Variants in KCNQ1 observed in about 807,000 individuals in gnomAD.
KCNQ1 encodes potassium voltage-gated channel subfamily KQT member 1.
In KCNQ1, 49 loss-of-function variants were observed where a neutral mutation model predicts 72.4. The observed-to-expected ratio is 0.68, with a 90% CI of 0.54 to 0.86. The LOEUF is 0.86. KCNQ1 is among the 40% of genes least tolerant of loss of function. The pLI is 0.00. For missense variants in KCNQ1, 790 were observed against 945.1 expected (o/e 0.84, Z 2.15); for synonymous variants, 450 against 412.6 (o/e 1.09, Z -1.10).
chr11:2,555,566 G>A (rs761145654), intron 2 of KCNQ1, among the ~76,000 whole-genome samples: 40 of 152,252 alleles, frequency 2.6e-4, no homozygotes, highest in Admixed American at 2.0e-4. Context: ...CAGGGCAGCC[G>A]GCTTGGGCCA....
chr11:2,532,565 A>G (rs117319280), intron 2 of KCNQ1, among the ~76,000 whole-genome samples: 100 of 152,316 alleles, frequency 6.6e-4, no homozygotes, highest in Non-Finnish European at 1.3e-3. Flanking sequence ...GCGGATGTAC[A>G]GACACATCAG....
At position 2,458,193 on chromosome 11, in the gene KCNQ1, A is replaced by G. The variant is rs1384162134; in HGVS notation, c.386+12709A>G. ...CCCCTTCTCCCCAAGCTGAAGATGCAGTGGGTAAGCCTCACTGAAAATAAC... is the reference window on the plus strand; with the variant it reads ...CCCCTTCTCCCCAAGCTGAAGATGCGGTGGGTAAGCCTCACTGAAAATAAC... On this transcript the variant is annotated intron_variant, in intron 1 of 15. Coordinates refer to ENST00000155840, the MANE Select transcript of KCNQ1 (RefSeq NM_000218.3). The surrounding 1 kb of genome is among the most constrained non-coding windows in gnomAD (Gnocchi z 4.6). Among the ~76,000 whole-genome samples, 1 of 152,108 alleles carries G rather than the reference A, an allele frequency of 6.6e-6. No individual in the cohort carries two copies. Among genetic ancestry groups the G allele is most frequent in the Non-Finnish European group, 1.5e-5 (1 of 68,036 alleles).
rs1435681898 is a variant in KCNQ1, at chr11:2,683,935, A to G, written c.1514+21854A>G. The G allele has an allele frequency of 1.3e-5, 5 of 396,456 alleles. No homozygotes were observed. The highest frequency in any genetic ancestry group is 2.2e-5 in the Non-Finnish European group (5 of 225,818). The allele number at this position is 396,456 out of a possible 1,614,324, so 24.6% of individuals were successfully genotyped here. On this transcript the variant is annotated intron_variant, in intron 11 of 15. Coordinates refer to ENST00000155840, the MANE Select transcript of KCNQ1 (RefSeq NM_000218.3). This position sits in a 1 kb window ranked among gnomAD's most constrained non-coding sequence, Gnocchi z 4.7. ...ATGCTCTGTGACACGTTTCATAGTC[A>G]GACAAAACCAGCTGACTGCTTTTAC...
In KCNQ1 at chr11:2,504,431, A is replaced by G. The variant is rs75877856; in HGVS notation, c.387-23497A>G. Among the ~76,000 whole-genome samples, 801 of 152,326 alleles carry G rather than the reference A, an allele frequency of 5.3e-3. 29 individuals are homozygous for G. The highest frequency in any genetic ancestry group is 0.043 in the Admixed American group (651 of 15,298). The stretch of plus-strand genomic sequence containing the variant: ...TATTTGATAGCACAACAGGGTGACT[A>G]TAGTCAATGATTTAATTATACATTT... On this transcript the variant is annotated intron_variant, in intron 1 of 15. Transcript: ENST00000155840.
rs1407602904 is a variant in KCNQ1 at position 2,828,874 on chromosome 11, A to G, written c.1795-18893A>G. 6.6e-6 allele frequency among the ~76,000 whole-genome samples: 1 copy of G among 152,236 alleles called. No individual in the cohort carries two copies. Among genetic ancestry groups the G allele is most frequent in the Non-Finnish European group, 1.5e-5 (1 of 68,042 alleles). ...TAAAGCAGACACTCCACATTTCCAG[A>G]GAGAAAAAGTAAGTCACACACAAGA... is the stretch of plus-strand genomic sequence containing the variant. On this transcript the variant is annotated intron_variant, in intron 15 of 15. Transcript: ENST00000155840. The surrounding 1 kb of genome is among the most constrained non-coding windows in gnomAD (Gnocchi z 5.3).
rs1383897646 is a variant in KCNQ1 at position 2,458,435 on chromosome 11, A to G, written c.386+12951A>G. On this transcript the variant is annotated intron_variant, in intron 1 of 15. Transcript: ENST00000155840. The surrounding 1 kb of genome is among the most constrained non-coding windows in gnomAD (Gnocchi z 4.6). ...TGTGAACTGTAACTCGGGGAAACCC[A>G]GTAGCTGATGGGGTTGCGTCCTTCT... Among the ~76,000 whole-genome samples the G allele has an allele frequency of 6.6e-6, 1 of 152,240 alleles. No individual in the cohort carries two copies. Among genetic ancestry groups the G allele is most frequent in the African/African-American group, 2.4e-5 (1 of 41,466 alleles).
In KCNQ1 at chr11:2,764,056, C is replaced by A. The variant is rs1234149784; in HGVS notation, c.1515-4788C>A. 6.6e-6 allele frequency among the ~76,000 whole-genome samples: 1 copy of A among 152,140 alleles called. No homozygotes were observed. Among genetic ancestry groups the A allele is most frequent in the Non-Finnish European group, 1.5e-5 (1 of 68,034 alleles). The stretch of plus-strand genomic sequence containing the variant: ...TCCCTTTTCCTACCTTTTTAACATA[C>A]CAGCTGGGACTTTCTGGACAATGTG... On this transcript the variant is annotated intron_variant, in intron 11 of 15. Transcript: ENST00000155840. The surrounding 1 kb of genome is among the most constrained non-coding windows in gnomAD (Gnocchi z 4.8).
In KCNQ1 at chr11:2,703,639, A is replaced by G. The variant is rs1410631384; in HGVS notation, c.1514+41558A>G. Among the ~76,000 whole-genome samples the G allele has an allele frequency of 1.3e-5, 2 of 151,944 alleles. No individual in the cohort carries two copies. Among genetic ancestry groups the G allele is most frequent in the African/African-American group, 4.8e-5 (2 of 41,352 alleles). ...ATTCTTTTGCATTTGCCAGCACAGA[A>G]GTGCAGATGGGGCCCAGAGCCCCGG... On this transcript the variant is annotated intron_variant, in intron 11 of 15. Transcript: ENST00000155840. This position sits in a 1 kb window ranked among gnomAD's most constrained non-coding sequence, Gnocchi z 6.4.
intron 1 of KCNQ1, among the ~76,000 whole-genome samples, chr11:2,510,788 G>A (rs1847187503): frequency 6.6e-6 from 1 of 152,204 alleles, no homozygotes; most frequent in Non-Finnish European, 1.5e-5. Context: ...TGGGAAGGCT[G>A]GCACGCTCAG....
chr11:2,624,128 T>C lies in KCNQ1; in HGVS notation c.1393+35274T>C, dbSNP rs1849223682. On this transcript the variant is annotated intron_variant, in intron 10 of 15. Transcript: ENST00000155840. This position sits in a 1 kb window ranked among gnomAD's most constrained non-coding sequence, Gnocchi z 4.9. The stretch of plus-strand genomic sequence containing the variant: ...GGCCATTCTAATAAGCGTGTAGATA[T>C]ATCACATTTCTTGTTTTAATTTCCA... The C allele has an allele frequency of 5.0e-6, 2 of 398,472 alleles. No homozygotes were observed. Among genetic ancestry groups the C allele is most frequent in the Admixed American group, 4.4e-5 (1 of 22,716 alleles). 24.7% of individuals were successfully genotyped at this position (398,472 alleles called of 1,614,324 possible).
chr11:2,837,733 G>A (rs1848104743), intron 15 of KCNQ1, among the ~76,000 whole-genome samples: 1 of 152,242 alleles, frequency 6.6e-6, no homozygotes. Flanking sequence ...TGGAGGCTAA[G>A]GAGAGGGGTG....
intron 11 of KCNQ1, chr11:2,699,698 G>C (rs1590040287): frequency 4.6e-6 from 1 of 217,392 alleles, no homozygotes; most frequent in South Asian, 3.3e-4. Flanking sequence ...CGGGTGCCCC[G>C]AGGAGAACGG....
chr11:2,584,525 G>C (rs1434864729), intron 7 of KCNQ1, among the ~76,000 whole-genome samples: 1 of 148,246 alleles, frequency 6.7e-6, no homozygotes, highest in Non-Finnish European at 1.5e-5. Context: ...TTGTGTGTTA[G>C]TGTGTGTGTT....
At chr11:2,780,128 C>T (rs74049757) in intron 15 of KCNQ1, among the ~76,000 whole-genome samples, 28,503 of 152,108 alleles carry the variant, frequency 0.19, 2,935 homozygotes, top group Admixed American at 0.29. Flanking sequence ...ATCTCAGCCC[C>T]GCTGAGGGGT....
At chr11:2,804,724 T>A (rs163165) in intron 15 of KCNQ1, among the ~76,000 whole-genome samples, 2 of 152,218 alleles carry the variant, frequency 1.3e-5, no homozygotes, top group African/African-American at 4.8e-5. Flanking sequence ...TGGCACAGGA[T>A]GAGCCTTGCA....
intron 6 of KCNQ1, among the ~76,000 whole-genome samples, chr11:2,577,712 G>A (rs564772355): frequency 1.9e-4 from 29 of 152,258 alleles, no homozygotes; most frequent in African/African-American, 3.1e-4. Flanking sequence ...ACCTGGTGGC[G>A]TCAGCCCCTT....
At position 2,640,302 on chromosome 11, in the gene KCNQ1, C is replaced by T. The variant is rs549205513; in HGVS notation, c.1394-21659C>T. ...AATCACCCATCTTCTGCGTCACTCACGCTGGGAGCTATAGACTGGAGCTCC... is the reference window on the plus strand; with the variant it reads ...AATCACCCATCTTCTGCGTCACTCATGCTGGGAGCTATAGACTGGAGCTCC... On this transcript the variant is annotated intron_variant, in intron 10 of 15. Transcript: ENST00000155840. 110 of 398,198 alleles carry T rather than the reference C, an allele frequency of 2.8e-4. No individual in the cohort carries two copies. Among genetic ancestry groups the T allele is most frequent in the South Asian group, 2.2e-3 (16 of 7,138 alleles). 24.7% of individuals were successfully genotyped at this position (398,198 alleles called of 1,614,324 possible).
intron 10 of KCNQ1, chr11:2,648,342 T>G (rs2133839083): frequency 2.5e-6 from 1 of 398,656 alleles, no homozygotes; most frequent in Admixed American, 4.4e-5. Flanking sequence ...CTTTTCTAGT[T>G]CCTTGAGATG....
At chr11:2,487,206 G>A (rs748637239) in intron 1 of KCNQ1, among the ~76,000 whole-genome samples, 8 of 152,070 alleles carry the variant, frequency 5.3e-5, no homozygotes, top group Non-Finnish European at 1.0e-4. Flanking sequence ...TTATTTCTGG[G>A]CTGTCTCATG....
Sources: allele counts gnomAD v4.1 joint callset (sites outside exome capture counted in the v4.1 genomes callset), GRCh38; gene constraint gnomAD v4.1.1; non-coding constraint Gnocchi (gnomAD v3.1); transcripts MANE v1.5; gene names NCBI Gene and HGNC (gene_info 2026-07-23, HGNC 2026-07-21).